ADGRL2: variants seen among roughly 807,000 people sequenced by gnomAD.
The protein encoded by ADGRL2 is adhesion G protein-coupled receptor L2.
Under a neutral mutation model 157.4 loss-of-function variants are expected in ADGRL2, and 44 were observed. The observed-to-expected ratio is 0.28, with a 90% CI of 0.22 to 0.36. The LOEUF (loss-of-function observed/expected upper bound fraction) is 0.36, where lower values mean the gene tolerates loss of function less well. Among genes scored for constraint, ADGRL2 ranks in the 10% least tolerant of loss-of-function variants. The pLI, the probability that ADGRL2 is intolerant of heterozygous loss-of-function variation, is 1.00. For missense variants in ADGRL2, 1,510 were observed against 1,768.9 expected (o/e 0.85, Z 2.63); for synonymous variants, 585 against 624.7 (o/e 0.94, Z 0.95).
At chr1:81,497,135 C>G (rs910593573) in intron 2 of ADGRL2, among the ~76,000 whole-genome samples, 1 of 152,184 alleles carries the variant, frequency 6.6e-6, no homozygotes, top group South Asian at 2.1e-4. Flanking sequence ...AGATTTTTTG[C>G]CATAACACTG....
intron 1 of ADGRL2, among the ~76,000 whole-genome samples, chr1:81,823,605 C>T (rs2149913474): frequency 6.6e-6 from 1 of 152,106 alleles, no homozygotes; most frequent in South Asian, 2.1e-4. Context: ...GAAAATGTTA[C>T]ATTGTGATAG....
chr1:81,545,847 C>T lies in ADGRL2; in HGVS notation c.-247-35029C>T, dbSNP rs72933300. 4.6e-3 allele frequency among the ~76,000 whole-genome samples: 696 copies of T among 152,204 alleles called. 4 individuals carry two copies. Among genetic ancestry groups the T allele is most frequent in the African/African-American group, 0.015 (632 of 41,542 alleles). The stretch of plus-strand genomic sequence containing the variant: ...TAAACTCCAGTGCTTCCCCATGGGT[C>T]ATCTTGCCTCCTGCGGTATGGAAAA... On this transcript the variant is annotated intron_variant, in intron 2 of 24. Transcript: ENST00000370721.
At chr1:81,308,548 A>G (rs1292083401) in intron 1 of ADGRL2, among the ~76,000 whole-genome samples, 1 of 152,182 alleles carries the variant, frequency 6.6e-6, no homozygotes, top group Non-Finnish European at 1.5e-5. Context: ...GGATAGATAT[A>G]AAAAGTGGCC....
At chr1:81,546,644 T>C (rs773326915) in intron 2 of ADGRL2, among the ~76,000 whole-genome samples, 6 of 152,234 alleles carry the variant, frequency 3.9e-5, no homozygotes, top group Non-Finnish European at 5.9e-5. Flanking sequence ...TCTGTTACAT[T>C]GTTGATTCAA....
chr1:81,845,015 C>T (rs1348521720), intron 2 of ADGRL2, among the ~76,000 whole-genome samples: 7 of 151,950 alleles, frequency 4.6e-5, no homozygotes, highest in African/African-American at 1.2e-4. Flanking sequence ...CTTTCTTATG[C>T]GGCAGCACAT....
upstream of ADGRL2, among the ~76,000 whole-genome samples, chr1:81,799,580 G>A (rs1008008366): frequency 1.1e-4 from 17 of 152,126 alleles, no homozygotes; most frequent in African/African-American, 3.9e-4. Flanking sequence ...ACAAAATACT[G>A]ATAGGTATTT....
intron 1 of ADGRL2, among the ~76,000 whole-genome samples, chr1:81,347,899 A>G (rs976875172): frequency 6.6e-6 from 1 of 152,194 alleles, no homozygotes; most frequent in African/African-American, 2.4e-5. Flanking sequence ...GGCTTCTTGG[A>G]TTCTACAGGC....
intron 2 of ADGRL2, among the ~76,000 whole-genome samples, chr1:81,792,884 C>A (rs1314026346): frequency 1.3e-5 from 2 of 151,750 alleles, no homozygotes; most frequent in Non-Finnish European, 2.9e-5. Flanking sequence ...TAAAACAGAC[C>A]ATTTTTAAAA....
At chr1:81,798,614 C>G (rs1277974215), upstream of ADGRL2, among the ~76,000 whole-genome samples, 1 of 152,054 alleles carries the variant, frequency 6.6e-6, no homozygotes, top group African/African-American at 2.4e-5. Context: ...AATTCTTCCC[C>G]CTTCCAAGCA....
chr1:81,522,574 G>A lies in ADGRL2; in HGVS notation c.-247-58302G>A, dbSNP rs2079347165. On this transcript the variant is annotated intron_variant, in intron 2 of 24. Coordinates refer to the ADGRL2 transcript ENST00000370721. ...GATCCCAGGATTGTCCTGTAGTATA[G>A]GTGATGCATAGCTTAAGAAGTTATG... Among the ~76,000 whole-genome samples, 4 of 132,736 alleles carry A rather than the reference G, an allele frequency of 3.0e-5. No homozygotes were observed. In the South Asian group the frequency reaches 9.6e-4, roughly 32 times the overall value. 87.1% of individuals were successfully genotyped at this position (132,736 alleles called of 152,430 possible).
intron 2 of ADGRL2, among the ~76,000 whole-genome samples, chr1:81,480,656 A>G (rs1483336708): frequency 6.6e-6 from 1 of 152,200 alleles, no homozygotes; most frequent in Non-Finnish European, 1.5e-5. Context: ...ACAAATATTT[A>G]TTTTCATATG....
At chr1:81,603,985 C>A (rs1357369691) in intron 3 of ADGRL2, among the ~76,000 whole-genome samples, 2 of 147,070 alleles carry the variant, frequency 1.4e-5, no homozygotes, top group African/African-American at 5.1e-5. Flanking sequence ...TTTTTTTGAG[C>A]CAGAGTCTTG....
At chr1:81,814,811 ATGT>A (rs35339475) in intron 1 of ADGRL2, among the ~76,000 whole-genome samples, 38,175 of 151,298 alleles carry the variant, frequency 0.25, 5,619 homozygotes, top group East Asian at 0.67. Flanking sequence ...TGTTCAGGTA[ATGT>A]TGTTAATTCA....
chr1:81,774,351 A>G (rs1013014330), intron 2 of ADGRL2, among the ~76,000 whole-genome samples: 6 of 152,158 alleles, frequency 3.9e-5, no homozygotes, highest in Admixed American at 2.0e-4. Context: ...AACCATTCAT[A>G]CTCATGATGG....
chr1:81,637,426 G>T (rs892465306), intron 3 of ADGRL2, among the ~76,000 whole-genome samples: 1 of 152,116 alleles, frequency 6.6e-6, no homozygotes, highest in Non-Finnish European at 1.5e-5. Flanking sequence ...ATGTTGACCT[G>T]GTTCCAAGGG....
chr1:81,395,919 G>C (rs1034181279), intron 1 of ADGRL2, among the ~76,000 whole-genome samples: 1 of 152,176 alleles, frequency 6.6e-6, no homozygotes, highest in Non-Finnish European at 1.5e-5. Context: ...TTTTATGCTA[G>C]TACCATGTTA....
At chr1:81,599,067 G>C (rs1459578214) in intron 3 of ADGRL2, among the ~76,000 whole-genome samples, 2 of 152,126 alleles carry the variant, frequency 1.3e-5, no homozygotes, top group African/African-American at 4.8e-5. Flanking sequence ...TTTTAGCAAA[G>C]GCCACTGAAG....
intron 2 of ADGRL2, among the ~76,000 whole-genome samples, chr1:81,553,783 C>A (rs1006117719): frequency 6.6e-6 from 1 of 152,148 alleles, no homozygotes; most frequent in Non-Finnish European, 1.5e-5. Context: ...TGGACTCTTC[C>A]TCAAAGTTCA....
chr1:81,491,348 A>G (rs115867757), intron 2 of ADGRL2, among the ~76,000 whole-genome samples: 47 of 152,272 alleles, frequency 3.1e-4, no homozygotes, highest in South Asian at 2.5e-3. Context: ...GAGATTCTCT[A>G]TACATCCCAA....
Sources: allele counts gnomAD v4.1 joint callset (sites outside exome capture counted in the v4.1 genomes callset), GRCh38; gene constraint gnomAD v4.1.1; transcripts MANE v1.5; gene names NCBI Gene and HGNC (gene_info 2026-07-23, HGNC 2026-07-21).